Variants in RGS7 observed in about 807,000 individuals in gnomAD.
The protein encoded by RGS7 is regulator of G protein signaling 7.
A neutral mutation model predicts 81.1 loss-of-function variants in RGS7; 27 were observed. The ratio of observed to expected loss-of-function variants is 0.33; its 90% CI spans 0.25 to 0.46. RGS7 has a LOEUF of 0.46. RGS7 is among the 20% of genes least tolerant of loss of function. The pLI is 1.00. For missense variants in RGS7, 396 were observed against 607.4 expected (o/e 0.65, Z 3.66); for synonymous variants, 208 against 207.7 (o/e 1.00, Z -0.01).
At chr1:241,112,072 T>G (rs188928051) in intron 2 of RGS7, among the ~76,000 whole-genome samples, 2 of 152,150 alleles carry the variant, frequency 1.3e-5, no homozygotes, top group East Asian at 3.8e-4. Context: ...AATATTCTTA[T>G]GAAACCTGGG....
intron 2 of RGS7, among the ~76,000 whole-genome samples, chr1:241,159,271 C>A (rs2069434182): frequency 6.6e-6 from 1 of 152,122 alleles, no homozygotes; most frequent in Non-Finnish European, 1.5e-5. Context: ...ACATTACACA[C>A]CCAATTTCAC....
At chr1:240,980,306 C>T (rs1684728288) in intron 4 of RGS7, among the ~76,000 whole-genome samples, 2 of 152,146 alleles carry the variant, frequency 1.3e-5, no homozygotes, top group South Asian at 2.1e-4. Flanking sequence ...GCCTTCTCCT[C>T]CTGTCTTCAA....
At chr1:241,049,301 G>A (rs934607866) in intron 3 of RGS7, among the ~76,000 whole-genome samples, 1 of 152,202 alleles carries the variant, frequency 6.6e-6, no homozygotes, top group African/African-American at 2.4e-5. Context: ...CATTACTGGT[G>A]TTATCTCATA....
chr1:241,031,140 C>T (rs1213482483), intron 3 of RGS7, among the ~76,000 whole-genome samples: 7 of 152,188 alleles, frequency 4.6e-5, no homozygotes, highest in African/African-American at 7.2e-5. Context: ...CCCACCCTTC[C>T]GAGTCTTCAA....
At chr1:241,328,895 G>A (rs1159901549) in intron 2 of RGS7, among the ~76,000 whole-genome samples, 2 of 152,018 alleles carry the variant, frequency 1.3e-5, no homozygotes, top group Non-Finnish European at 2.9e-5. Flanking sequence ...GGTCTACCAG[G>A]GATAGCATGA....
At chr1:241,102,923 A>G (rs529994460) in intron 2 of RGS7, among the ~76,000 whole-genome samples, 61 of 152,064 alleles carry the variant, frequency 4.0e-4, no homozygotes, top group African/African-American at 1.4e-3. Flanking sequence ...TAATTTTTAT[A>G]TTAAGCATGA....
chr1:240,935,577 T>C (rs1676481313), intron 5 of RGS7, among the ~76,000 whole-genome samples: 1 of 152,230 alleles, frequency 6.6e-6, no homozygotes, highest in Non-Finnish European at 1.5e-5. Context: ...ATTATTTGCC[T>C]TGGAAGAAAT....
chr1:240,993,011 T>C (rs1221407510), intron 3 of RGS7, among the ~76,000 whole-genome samples: 5 of 146,734 alleles, frequency 3.4e-5, no homozygotes, highest in African/African-American at 1.3e-4. Flanking sequence ...TGAAACTCCA[T>C]CTCAAAAATT....
Position 241,071,655 on chromosome 1 carries a change from G to A in RGS7, c.175+27011C>T, listed in dbSNP as rs567221289. 4.8e-4 allele frequency among the ~76,000 whole-genome samples: 72 copies of A among 151,186 alleles called. 1 individual carries two copies. In the Middle Eastern group the frequency reaches 0.014, roughly 29 times the overall value. On this transcript the variant is annotated intron_variant, in intron 3 of 18. Transcript: ENST00000440928. The stretch of plus-strand genomic sequence containing the variant: ...CAATAAAACACTGTGTAGAATCTTC[G>A]TTAAGCCTTAGGTGTTCAGTTAATT...
At chr1:240,879,435 T>C (rs756099820) in intron 6 of RGS7, among the ~76,000 whole-genome samples, 3 of 152,230 alleles carry the variant, frequency 2.0e-5, no homozygotes, top group Admixed American at 1.3e-4. Context: ...TTATTTAGGA[T>C]CTAATCTAAA....
chr1:241,244,782 A>G (rs573661928), intron 2 of RGS7, among the ~76,000 whole-genome samples: 1 of 152,186 alleles, frequency 6.6e-6, no homozygotes, highest in African/African-American at 2.4e-5. Flanking sequence ...AGCCATAAAA[A>G]ATGATGAGTT....
intron 2 of RGS7, among the ~76,000 whole-genome samples, chr1:241,112,559 A>C (rs966014134): frequency 3.3e-5 from 5 of 152,238 alleles, no homozygotes; most frequent in African/African-American, 1.2e-4. Context: ...AACTAAATAT[A>C]AGTATGGTGA....
intron 6 of RGS7, among the ~76,000 whole-genome samples, chr1:240,905,743 G>T (rs60975289): frequency 6.6e-6 from 1 of 152,122 alleles, no homozygotes; most frequent in Non-Finnish European, 1.5e-5. Context: ...ATCAGGGGAA[G>T]GTCATGCTGG....
At position 241,253,836 on chromosome 1, in the gene RGS7, CAG is replaced by C. The variant is rs1274279941; in HGVS notation, c.78+101861_78+101862del. Among the ~76,000 whole-genome samples, 3 of 151,970 alleles carry C rather than the reference CAG, an allele frequency of 2.0e-5. No individual in the cohort carries two copies. The East Asian group carries it at 5.8e-4, about 29-fold the overall frequency. The stretch of plus-strand genomic sequence containing the variant: ...GCTCTTCTTATTTCTGTCAAAGAGA[CAG>C]AAAAAGAGCAGTCAGAGACAGACTA... On this transcript the variant is annotated intron_variant, in intron 2 of 18. Transcript: ENST00000440928.
intron 3 of RGS7, among the ~76,000 whole-genome samples, chr1:240,996,301 G>T (rs1195827458): frequency 6.6e-6 from 1 of 152,116 alleles, no homozygotes; most frequent in African/African-American, 2.4e-5. Context: ...CCTGTAATCA[G>T]GTCAAGCTGA....
rs554840955 is a variant in RGS7 at position 240,834,692 on chromosome 1, T to C, written c.610-7520A>G. Among the ~76,000 whole-genome samples, 3 of 152,104 alleles carry C rather than the reference T, an allele frequency of 2.0e-5. No individual in the cohort carries two copies. In the South Asian group the frequency reaches 6.2e-4, roughly 32 times the overall value. Reference sequence around the variant, plus strand: ...CGCCCAGCTAATTTTTTTGTATTTTTAGTAGAGACGGGGTTTCACCGTGTT... The same window carrying C: ...CGCCCAGCTAATTTTTTTGTATTTTCAGTAGAGACGGGGTTTCACCGTGTT... On this transcript the variant is annotated intron_variant, in intron 9 of 18. Transcript: ENST00000440928.
chr1:241,229,464 G>C (rs1216325332), intron 2 of RGS7, among the ~76,000 whole-genome samples: 2 of 152,190 alleles, frequency 1.3e-5, no homozygotes, highest in African/African-American at 4.8e-5. Flanking sequence ...CTCATTTAGA[G>C]GGTAGACTTC....
intron 18 of RGS7, among the ~76,000 whole-genome samples, chr1:240,791,743 C>A (rs367964009): frequency 1.3e-5 from 2 of 152,204 alleles, no homozygotes; most frequent in South Asian, 4.1e-4. Context: ...TAACATATGA[C>A]TCCACTTTTG....
At chr1:240,984,409 G>A (rs539194927) in intron 3 of RGS7, among the ~76,000 whole-genome samples, 26 of 152,206 alleles carry the variant, frequency 1.7e-4, no homozygotes, top group African/African-American at 5.8e-4. Context: ...ACTTCTTTCA[G>A]GACTTTACGA....
Sources: gnomAD v4.1 joint callset for allele counts (sites outside exome capture counted in the v4.1 genomes callset) on GRCh38, gnomAD v4.1.1 for gene constraint, MANE v1.5 for transcripts, NCBI Gene and HGNC (gene_info 2026-07-23, HGNC 2026-07-21) for gene names.